IFT52: variants seen among roughly 807,000 people sequenced by gnomAD.
The protein encoded by IFT52 is intraflagellar transport protein 52 homolog.
In IFT52, 44 loss-of-function variants were observed where a neutral mutation model predicts 54.4. The observed-to-expected ratio is 0.81, with a 90% confidence interval of 0.63 to 1.04. The LOEUF (loss-of-function observed/expected upper bound fraction) is 1.04. IFT52 is among the 50% of genes least tolerant of loss of function. The pLI, the probability that IFT52 is intolerant of heterozygous loss-of-function variation, is 0.00. For synonymous variants in IFT52, 181 were observed against 185.3 expected (o/e 0.98, Z 0.19); for missense variants, 452 against 523.6 (o/e 0.86, Z 1.33).
At position 43,621,326 on chromosome 20, in the gene IFT52, A is replaced by G. The variant is rs376693649; in HGVS notation, c.768+401A>G. ...TGTTGCCTTTAGATTTAACAGTTCT[A>G]AAGGCATTATAATAATATTCATCAG... On this transcript the variant is annotated intron_variant, in intron 9 of 13. Coordinates refer to ENST00000373030, the MANE Select transcript of IFT52 (RefSeq NM_016004.5). Among the ~76,000 whole-genome samples the G allele has an allele frequency of 5.9e-5, 9 of 152,346 alleles. No individual in the cohort carries two copies. The South Asian group carries it at 1.7e-3, about 28-fold the overall frequency.
chr20:43,592,828 C>T (rs528537747), intron 1 of IFT52, among the ~76,000 whole-genome samples: 3 of 152,210 alleles, frequency 2.0e-5, no homozygotes, highest in African/African-American at 4.8e-5. Context: ...TTATGAAACC[C>T]GACTGGGTGC....
chr20:43,592,560 CAG>C (rs1165056549), intron 1 of IFT52, among the ~76,000 whole-genome samples: 2 of 105,634 alleles, frequency 1.9e-5, no homozygotes, highest in Admixed American at 2.1e-4. Flanking sequence ...GGCCACAGAG[CAG>C]ACTCTCTCAA....
chr20:43,627,930 T>TG (rs1474337160), intron 10 of IFT52, among the ~76,000 whole-genome samples: 10 of 143,520 alleles, frequency 7.0e-5, no homozygotes, highest in Non-Finnish European at 1.5e-4. Flanking sequence ...GAGTTTTTTT[T>TG]TTTTTTTTTT....
intron 3 of IFT52, among the ~76,000 whole-genome samples, chr20:43,599,812 T>C (rs1228102127): frequency 1.3e-5 from 2 of 152,170 alleles, no homozygotes; most frequent in Admixed American, 6.6e-5. Flanking sequence ...CGCATTACAC[T>C]AGCTTTGTGG....
At chr20:43,610,738 C>CAA in intron 6 of IFT52, among the ~76,000 whole-genome samples, 1 of 116,184 alleles carries the variant, frequency 8.6e-6, no homozygotes, top group East Asian at 2.5e-4. Flanking sequence ...GACTCCGTCT[C>CAA]AAAAAAAAAA....
At chr20:43,606,616 C>CTTGG (rs1292911114) in intron 6 of IFT52, among the ~76,000 whole-genome samples, 1 of 149,996 alleles carries the variant, frequency 6.7e-6, no homozygotes, top group African/African-American at 2.5e-5. Context: ...ATTGATCATT[C>CTTGG]TTGGGTGTTT....
chr20:43,604,358 T>G (rs1051518038), intron 5 of IFT52, 100 bp downstream of exon 5: 200 of 813,932 alleles, frequency 2.5e-4, no homozygotes, highest in Non-Finnish European at 3.7e-4. Flanking sequence ...CATTTTGAGG[T>G]CAGGAGTTCC....
chr20:43,642,580 G>A lies in IFT52; in HGVS notation c.1222G>A (p.Glu408Lys), dbSNP rs552614961. The A allele has an allele frequency of 3.1e-6, 5 of 1,614,166 alleles. No individual in the cohort carries two copies. In the African/African-American group the frequency reaches 6.7e-5, roughly 22 times the overall value. The change falls in exon 13 of 14, where the codon GAG becomes AAG. Residue 408 changes from glutamate (E) to lysine (K), a missense_variant. Glu to Lys is a moderately conservative substitution (Grantham distance 56). Coordinates refer to ENST00000373030, the MANE Select transcript of IFT52 (RefSeq NM_016004.5). ...CCAACAGGATGCCAAACATATCCTT[G>A]AGCACGTCTTCTTCCAAGTGGTGGA... ...KDQQDAKHIL[E>K]HVFFQVVEFK... is the part of the protein sequence containing the mutation.
rs150422144 is a variant in IFT52 at position 43,608,021 on chromosome 20, G to A, written c.485+2948G>A. Among the ~76,000 whole-genome samples the A allele has an allele frequency of 3.2e-4, 47 of 146,956 alleles. No homozygotes were observed. In the South Asian group the frequency reaches 9.1e-3, roughly 29 times the overall value. Reference sequence around the variant, plus strand: ...AAACCAGACAGGCGTGGCGGTGCGCGCCTGCAATCACAGGCACTCGGCAGG... The same window carrying A: ...AAACCAGACAGGCGTGGCGGTGCGCACCTGCAATCACAGGCACTCGGCAGG... On this transcript the variant is annotated intron_variant, in intron 6 of 13. Transcript: ENST00000373030.
rs546633816 is a variant in IFT52 at position 43,603,974 on chromosome 20, T to C, written c.337+85T>C. ...TAGCCCTCTAGGTCCAGTGGCATAA[T>C]GGAAAAAGCCCTGGGCTGTGTGTGC... On this transcript the variant is annotated intron_variant, in intron 4 of 13. Coordinates refer to ENST00000373030, the MANE Select transcript of IFT52 (RefSeq NM_016004.5). The C allele has an allele frequency of 4.0e-5, 43 of 1,080,952 alleles. No individual in the cohort carries two copies. The East Asian group carries it at 9.9e-4, about 25-fold the overall frequency. 67.0% of individuals were successfully genotyped at this position (1,080,952 alleles called of 1,614,324 possible). A position where few individuals can be genotyped will look rare whatever the true frequency, so the allele number is the denominator to read the frequency against.
chr20:43,625,985 G>A (rs1198701652), intron 10 of IFT52, among the ~76,000 whole-genome samples: 7 of 134,186 alleles, frequency 5.2e-5, no homozygotes, highest in Admixed American at 2.6e-4. Flanking sequence ...GCAGTGACCC[G>A]CTCCAGCCTG....
chr20:43,614,664 A>C (rs1983721567), intron 7 of IFT52, among the ~76,000 whole-genome samples: 2 of 152,154 alleles, frequency 1.3e-5, no homozygotes, highest in Non-Finnish European at 2.9e-5. Flanking sequence ...ATTACACAAA[A>C]TAGCACAGAA....
Position 43,643,416 on chromosome 20 carries a change from G to T in IFT52, c.1266+792G>T, listed in dbSNP as rs1194886747. Among the ~76,000 whole-genome samples, 4 of 56,068 alleles carry T rather than the reference G, an allele frequency of 7.1e-5. 2 individuals are homozygous for T. The highest frequency in any genetic ancestry group is 1.7e-4 in the Non-Finnish European group (4 of 23,772). 36.8% of individuals were successfully genotyped at this position (56,068 alleles called of 152,430 possible). On this transcript the variant is annotated intron_variant, in intron 13 of 13. Transcript: ENST00000373030. Reference sequence around the variant, plus strand: ...CAGGGGAATCTCTTGAACCCAGGAGGCGGAGGTTGCAGTGAGCCAAGATGG... The same window carrying T: ...CAGGGGAATCTCTTGAACCCAGGAGTCGGAGGTTGCAGTGAGCCAAGATGG...
intron 8 of IFT52, among the ~76,000 whole-genome samples, chr20:43,619,975 G>A (rs1984161021): frequency 8.2e-6 from 1 of 121,790 alleles, no homozygotes; most frequent in African/African-American, 3.2e-5. Flanking sequence ...GGAGTGCAAT[G>A]GCACCACCTC....
At chr20:43,621,983 T>G (rs1427543786) in intron 9 of IFT52, among the ~76,000 whole-genome samples, 1 of 152,250 alleles carries the variant, frequency 6.6e-6, no homozygotes, top group African/African-American at 2.4e-5. Flanking sequence ...AAGATTGCAG[T>G]GTGTTCAAAT....
At chr20:43,596,317 A>C in intron 2 of IFT52, 118 bp from the exon 3 acceptor site, 1 of 631,718 alleles carries the variant, frequency 1.6e-6, no homozygotes. Flanking sequence ...GTTACCTCTA[A>C]ATCCCTTCAT....
rs1216846203 is a variant in IFT52, at chr20:43,638,438, G to A, written c.1120+1185G>A. Among the ~76,000 whole-genome samples the A allele has an allele frequency of 6.6e-5, 10 of 152,118 alleles. No individual in the cohort carries two copies. The East Asian group carries it at 1.7e-3, about 27-fold the overall frequency. The stretch of plus-strand genomic sequence containing the variant: ...ACTCCAGACCTCAGGTGATCCACCC[G>A]CCTCAGCCTCCCAAAGTGCTGGGAT... On this transcript the variant is annotated intron_variant, in intron 12 of 13. Transcript: ENST00000373030.
At chr20:43,626,170 T>A (rs1984701823) in intron 10 of IFT52, among the ~76,000 whole-genome samples, 1 of 152,114 alleles carries the variant, frequency 6.6e-6, no homozygotes, top group Non-Finnish European at 1.5e-5. Context: ...AGTTTTATAT[T>A]TTAACCTGGT....
intron 2 of IFT52, among the ~76,000 whole-genome samples, chr20:43,596,111 T>G (rs1981937652): frequency 6.6e-6 from 1 of 152,234 alleles, no homozygotes. Flanking sequence ...ATGTGCATGT[T>G]TTTCTTAATA....
Sources: allele counts gnomAD v4.1 joint callset (sites outside exome capture counted in the v4.1 genomes callset), GRCh38; gene constraint gnomAD v4.1.1; transcripts MANE v1.5; gene names NCBI Gene and HGNC (gene_info 2026-07-23, HGNC 2026-07-21).